FGF14: variants seen among roughly 807,000 people sequenced by gnomAD.
FGF14 encodes fibroblast growth factor 14, also known as fibroblast growth factor homologous factor 4.
In FGF14, 5 loss-of-function variants were observed where a neutral mutation model predicts 25.5. The observed-to-expected ratio is 0.20, with a 90% CI of 0.10 to 0.41. The LOEUF is 0.41. Among genes scored for constraint, FGF14 ranks in the 10% least tolerant of loss-of-function variants. The probability of loss-of-function intolerance (pLI) is 1.00; values close to 1 mark genes in which losing one functional copy is unlikely to be tolerated. For synonymous variants in FGF14, 138 were observed against 118.3 expected (o/e 1.17, Z -1.08); for missense variants, 222 against 320.1 (o/e 0.69, Z 2.34).
chr13:101,949,726 T>C (rs2036036150), intron 1 of FGF14, among the ~76,000 whole-genome samples: 1 of 152,154 alleles, frequency 6.6e-6, no homozygotes. Context: ...TGCTGTGGGA[T>C]ACACTAAGTT....
At chr13:101,798,743 G>A (rs897969343) in intron 3 of FGF14, among the ~76,000 whole-genome samples, 1 of 152,140 alleles carries the variant, frequency 6.6e-6, no homozygotes, top group Non-Finnish European at 1.5e-5. Flanking sequence ...AGGGAAGGCT[G>A]TTTAGATATG....
intron 1 of FGF14, among the ~76,000 whole-genome samples, chr13:102,280,428 G>C (rs755188976): frequency 3.3e-5 from 5 of 152,180 alleles, no homozygotes; most frequent in African/African-American, 4.8e-5. Flanking sequence ...TGCTCCATGA[G>C]ATGCTCATAG....
intron 1 of FGF14, among the ~76,000 whole-genome samples, chr13:102,104,193 A>G (rs1037770542): frequency 6.6e-6 from 1 of 152,204 alleles, no homozygotes; most frequent in African/African-American, 2.4e-5. Context: ...CTTGTACTGA[A>G]GTTGCAAAGA....
intron 1 of FGF14, among the ~76,000 whole-genome samples, chr13:102,040,909 T>C (rs1222404362): frequency 6.6e-6 from 1 of 152,128 alleles, no homozygotes; most frequent in Non-Finnish European, 1.5e-5. Context: ...AGGTCTTAGC[T>C]ACCATATTTC....
intron 1 of FGF14, among the ~76,000 whole-genome samples, chr13:101,990,768 T>C (rs2038857585): frequency 6.6e-6 from 1 of 152,106 alleles, no homozygotes; most frequent in Non-Finnish European, 1.5e-5. Flanking sequence ...AATATTATAA[T>C]CAGAGAAAAA....
intron 1 of FGF14, among the ~76,000 whole-genome samples, chr13:101,922,280 A>G (rs1185555693): frequency 6.6e-6 from 1 of 152,192 alleles, no homozygotes; most frequent in Non-Finnish European, 1.5e-5. Context: ...TGGATTACAC[A>G]CAATCTCAAC....
intron 1 of FGF14, among the ~76,000 whole-genome samples, chr13:102,100,691 G>T (rs2140283575): frequency 6.6e-6 from 1 of 152,342 alleles, no homozygotes; most frequent in African/African-American, 2.4e-5. Flanking sequence ...TGCATACACA[G>T]CATGGGAGCC....
intron 1 of FGF14, among the ~76,000 whole-genome samples, chr13:102,176,265 T>C (rs569398951): frequency 6.6e-6 from 1 of 152,106 alleles, no homozygotes; most frequent in Non-Finnish European, 1.5e-5. Flanking sequence ...ATGTCTTTTG[T>C]AGCAACATGG....
chr13:101,797,772 T>TGTGTGTGTGCGTGC (rs1555384577), intron 3 of FGF14, among the ~76,000 whole-genome samples: 4 of 145,556 alleles, frequency 2.7e-5, no homozygotes, highest in East Asian at 4.2e-4. Flanking sequence ...TGTGTGTGTG[T>TGTGTGTGTGCGTGC]GTGTGTGTGT....
chr13:102,184,402 G>A (rs891802366), intron 1 of FGF14, among the ~76,000 whole-genome samples: 1 of 152,122 alleles, frequency 6.6e-6, no homozygotes, highest in South Asian at 2.1e-4. Flanking sequence ...GCATCCCAGG[G>A]ATGGGCTCGT....
rs1046236738 is a variant in FGF14, at chr13:102,170,312, T to C, written c.208+231159A>G. ...AAATCCTATTATAGGAAATATCAAC[T>C]CTCCTTTTTGCCTCTTCTTCTCCCT... On this transcript the variant is annotated intron_variant, in intron 1 of 4. Coordinates refer to the FGF14 transcript ENST00000376131. 3.3e-5 allele frequency among the ~76,000 whole-genome samples: 5 copies of C among 152,132 alleles called. No individual in the cohort carries two copies. The East Asian group carries it at 9.7e-4, about 29-fold the overall frequency.
intron 1 of FGF14, among the ~76,000 whole-genome samples, chr13:102,352,365 G>A (rs549503179): frequency 6.6e-6 from 1 of 151,910 alleles, no homozygotes; most frequent in East Asian, 1.9e-4. Context: ...AGGATTGGAT[G>A]ACTCCTTGAG....
intron 1 of FGF14, among the ~76,000 whole-genome samples, chr13:102,087,366 G>A (rs2043954145): frequency 6.9e-6 from 1 of 145,936 alleles, no homozygotes; most frequent in Non-Finnish European, 1.5e-5. Context: ...GATTCCTCAT[G>A]TGTACCTTGC....
rs2047680225 is a variant in FGF14 at position 102,161,603 on chromosome 13, AG to A, written c.208+239867del. On this transcript the variant is annotated intron_variant, in intron 1 of 4. Coordinates refer to the FGF14 transcript ENST00000376131. ...AAGAAGAAGAAGAAGAAGAAGAAGA[AG>A]AAGAAGAAGAAGAAGAAGAAGAAGA... Among the ~76,000 whole-genome samples, 4 of 5,118 alleles carry A rather than the reference AG, an allele frequency of 7.8e-4. No individual in the cohort carries two copies. The South Asian group carries it at 0.023, about 29-fold the overall frequency. The allele number at this position is 5,118 out of a possible 152,430, so 3.4% of individuals were successfully genotyped here.
At chr13:102,217,477 T>C (rs146491337) in intron 1 of FGF14, among the ~76,000 whole-genome samples, 1 of 152,206 alleles carries the variant, frequency 6.6e-6, no homozygotes, top group African/African-American at 2.4e-5. Flanking sequence ...AATTTACTAT[T>C]AGCTAAAAAA....
At chr13:102,104,211 A>G (rs975291581) in intron 1 of FGF14, among the ~76,000 whole-genome samples, 1 of 152,212 alleles carries the variant, frequency 6.6e-6, no homozygotes, top group Non-Finnish European at 1.5e-5. Context: ...AGAAGTTTTG[A>G]TAACAATAAC....
rs140345368 is a variant in FGF14 at position 102,179,179 on chromosome 13, T to C, written c.208+222292A>G. 2.1e-3 allele frequency among the ~76,000 whole-genome samples: 322 copies of C among 152,190 alleles called. 1 individual carries two copies. The highest frequency in any genetic ancestry group is 7.2e-3 in the African/African-American group (300 of 41,550). On this transcript the variant is annotated intron_variant, in intron 1 of 4. Coordinates refer to the FGF14 transcript ENST00000376131. ...TTTTTCTTGGGCTTCCTGCAGCAAG[T>C]GGTAAAGAAATAGGTGAGTACCATG...
At chr13:101,740,640 A>G (rs148955109) in intron 3 of FGF14, among the ~76,000 whole-genome samples, 2 of 152,106 alleles carry the variant, frequency 1.3e-5, no homozygotes. Context: ...TGAAAGGTCA[A>G]ATATTGCAGT....
chr13:102,006,507 T>C (rs2039794132), intron 1 of FGF14, among the ~76,000 whole-genome samples: 1 of 151,852 alleles, frequency 6.6e-6, no homozygotes, highest in Non-Finnish European at 1.5e-5. Context: ...CAAACTTATT[T>C]TACAAATACC....
Sources: allele counts gnomAD v4.1 joint callset (sites outside exome capture counted in the v4.1 genomes callset), GRCh38; gene constraint gnomAD v4.1.1; transcripts MANE v1.5; gene names NCBI Gene and HGNC (gene_info 2026-07-23, HGNC 2026-07-21).